Variants in NEDD1 observed in about 807,000 individuals in gnomAD.
NEDD1 encodes the protein NEDD1 gamma-tubulin ring complex targeting factor.
NEDD1 carries 33 observed loss-of-function variants against 74.0 expected under a neutral mutation model. The observed-to-expected ratio is 0.45, with a 90% CI of 0.34 to 0.60. The LOEUF (loss-of-function observed/expected upper bound fraction) is 0.60. NEDD1 is among the 20% of genes least tolerant of loss of function. The probability of loss-of-function intolerance (pLI) is 0.01; values close to 1 mark genes in which losing one functional copy is unlikely to be tolerated. For synonymous variants in NEDD1, 250 were observed against 264.4 expected (o/e 0.95, Z 0.53); for missense variants, 746 against 776.5 (o/e 0.96, Z 0.47).
rs2136638263 is a variant in NEDD1, at chr12:96,952,694, G to T, written c.*641G>T. On this transcript the variant is annotated 3_prime_UTR_variant, in exon 16 of 16. Coordinates refer to ENST00000266742, the MANE Select transcript of NEDD1 (RefSeq NM_152905.4). ...ACTTCTGACAAATCTTTATTCCTGG[G>T]TGGTATTTTTAAGATATCTTTACCT... 1 of 151,638 alleles carries T rather than the reference G, an allele frequency of 6.6e-6. No individual in the cohort carries two copies. The highest frequency in any genetic ancestry group is 1.9e-4 in the East Asian group (1 of 5,176). The allele number at this position is 151,638 out of a possible 1,614,324, so 9.4% of individuals were successfully genotyped here.
At position 96,949,801 on chromosome 12, in the gene NEDD1, C is replaced by G. The variant is rs1360402290; in HGVS notation, c.1812-1631C>G. On this transcript the variant is annotated intron_variant, in intron 14 of 15. Coordinates refer to ENST00000266742, the MANE Select transcript of NEDD1 (RefSeq NM_152905.4). Reference sequence around the variant, plus strand: ...ATTTATGTGCAAAAAATGGAATAATCAGTAAGTTGTGTTGTGACATTTGTT... The same window carrying G: ...ATTTATGTGCAAAAAATGGAATAATGAGTAAGTTGTGTTGTGACATTTGTT... Among the ~76,000 whole-genome samples the G allele has an allele frequency of 2.6e-5, 4 of 151,958 alleles. No individual in the cohort carries two copies. In the East Asian group the frequency reaches 7.7e-4, roughly 29 times the overall value.
At chr12:96,934,789 C>T (rs1229178171) in intron 6 of NEDD1, among the ~76,000 whole-genome samples, 187 bp from the exon 7 acceptor site, 4 of 152,044 alleles carry the variant, frequency 2.6e-5, no homozygotes, top group Non-Finnish European at 4.4e-5. Flanking sequence ...CCACCTGCCT[C>T]GGCCTCCCAA....
intron 6 of NEDD1, among the ~76,000 whole-genome samples, chr12:96,932,463 A>ATATATATATATAT (rs1555203252): frequency 3.2e-4 from 3 of 9,434 alleles, no homozygotes; most frequent in African/African-American, 1.0e-3. Context: ...AAAAAAAAAA[A>ATATATATATATAT]ATATATATAT....
At chr12:96,937,151 A>G (rs960694736) in intron 8 of NEDD1, 47 bp from the exon 9 acceptor site, 33 of 1,101,630 alleles carry the variant, frequency 3.0e-5, no homozygotes, top group Non-Finnish European at 4.0e-5. Context: ...AATGTATAGT[A>G]TGAAACATTA....
chr12:96,928,217 G>T (rs1171807112), intron 6 of NEDD1, among the ~76,000 whole-genome samples: 1 of 152,080 alleles, frequency 6.6e-6, no homozygotes, highest in Admixed American at 6.5e-5. Context: ...TTTTCTGCCT[G>T]TTCTCATTAG....
chr12:96,942,802 C>T (rs1413577766), intron 11 of NEDD1, among the ~76,000 whole-genome samples, 178 bp downstream of exon 11: 1 of 152,100 alleles, frequency 6.6e-6, no homozygotes, highest in Admixed American at 6.6e-5. Context: ...TCAAGTCTAT[C>T]TTCCTGCTTC....
intron 2 of NEDD1, 105 bp from the exon 3 acceptor site, chr12:96,909,647 A>G (rs148294738): frequency 6.8e-6 from 6 of 887,896 alleles, no homozygotes; most frequent in Admixed American, 2.7e-5. Flanking sequence ...TTTGGAACAA[A>G]AATGAATGAG....
chr12:96,941,168 C>G (rs1189532020), intron 10 of NEDD1, among the ~76,000 whole-genome samples: 3 of 152,102 alleles, frequency 2.0e-5, no homozygotes, highest in African/African-American at 7.2e-5. Flanking sequence ...TATATTCATA[C>G]TTTTTGGCCT....
intron 4 of NEDD1, among the ~76,000 whole-genome samples, chr12:96,914,332 T>A (rs1400246916): frequency 1.3e-5 from 2 of 152,190 alleles, no homozygotes; most frequent in Non-Finnish European, 2.9e-5. Context: ...GCTTTTTTTT[T>A]AAAGTATAAA....
intron 5 of NEDD1, among the ~76,000 whole-genome samples, chr12:96,918,249 C>T (rs1363419282): frequency 6.6e-6 from 1 of 150,706 alleles, no homozygotes; most frequent in African/African-American, 2.4e-5. Context: ...ATTAATGTTT[C>T]TTTAATAATT....
At chr12:96,936,549 T>C (rs1334106439) in intron 7 of NEDD1, 62 bp from the exon 8 acceptor site, 3 of 1,149,402 alleles carry the variant, frequency 2.6e-6, no homozygotes, top group South Asian at 1.3e-5. Context: ...TAGTTACTTA[T>C]ATAAGCTAAT....
chr12:96,943,488 A>T, intron 11 of NEDD1, 72 bp from the exon 12 acceptor site: 1 of 957,748 alleles, frequency 1.0e-6, no homozygotes, highest in Non-Finnish European at 1.6e-6. Flanking sequence ...TCTGCCTATC[A>T]TGTTAAATGC....
At position 96,952,080 on chromosome 12, in the gene NEDD1, G is replaced by A. The variant is rs1440181657; in HGVS notation, c.*27G>A. 4 of 1,251,308 alleles carry A rather than the reference G, an allele frequency of 3.2e-6. No homozygotes were observed. Among genetic ancestry groups the A allele is most frequent in the South Asian group, 1.2e-5 (1 of 83,076 alleles). The allele number at this position is 1,251,308 out of a possible 1,614,324, so 77.5% of individuals were successfully genotyped here. ...ATTTCAGTGAATACCTTAATGTTCT[G>A]TAATTTGGGAAGTTTCTGGCAACAC... On this transcript the variant is annotated 3_prime_UTR_variant, in exon 16 of 16. Transcript: ENST00000266742.
intron 10 of NEDD1, 43 bp from the exon 11 acceptor site, chr12:96,942,534 C>A (rs1259118202): frequency 1.0e-6 from 1 of 976,396 alleles, no homozygotes; most frequent in South Asian, 1.4e-5. Context: ...GATATGGTTT[C>A]TTTTTCACTA....
intron 9 of NEDD1, among the ~76,000 whole-genome samples, chr12:96,939,412 A>G (rs896050645): frequency 2.0e-5 from 3 of 152,072 alleles, no homozygotes; most frequent in East Asian, 1.9e-4. Flanking sequence ...CTCTTCAACA[A>G]TAGTACAAAT....
chr12:96,913,810 T>C (rs1017664423), intron 4 of NEDD1, among the ~76,000 whole-genome samples: 1 of 150,814 alleles, frequency 6.6e-6, no homozygotes, highest in Admixed American at 6.6e-5. Context: ...GTTGATAGCT[T>C]TTTTTTTTAA....
At chr12:96,931,317 T>A (rs2136567376) in intron 6 of NEDD1, among the ~76,000 whole-genome samples, 1 of 152,242 alleles carries the variant, frequency 6.6e-6, no homozygotes, top group East Asian at 1.9e-4. Context: ...GTTTGATAAA[T>A]ATAAATATAT....
At chr12:96,936,252 C>A (rs1180574184) in intron 7 of NEDD1, among the ~76,000 whole-genome samples, 2 of 152,170 alleles carry the variant, frequency 1.3e-5, no homozygotes, top group African/African-American at 2.4e-5. Context: ...GATACTTAGG[C>A]CCTCCTCAAC....
At chr12:96,942,995 C>T (rs1248143776) in intron 11 of NEDD1, among the ~76,000 whole-genome samples, 10 of 152,016 alleles carry the variant, frequency 6.6e-5, no homozygotes, top group African/African-American at 9.7e-5. Flanking sequence ...CAAGAGAATT[C>T]GAGAGGGCAT....
Sources: gnomAD v4.1 joint callset for allele counts (sites outside exome capture counted in the v4.1 genomes callset) on GRCh38, gnomAD v4.1.1 for gene constraint, MANE v1.5 for transcripts, NCBI Gene and HGNC (gene_info 2026-07-23, HGNC 2026-07-21) for gene names.